KIF25: variants seen among roughly 807,000 people sequenced by gnomAD.
KIF25 encodes kinesin family member 25.
In KIF25, 19 loss-of-function variants were observed where a neutral mutation model predicts 32.9. That is an observed-to-expected ratio of 0.58 (90% CI 0.40 to 0.85). The LOEUF is 0.85. KIF25 is among the 40% of genes least tolerant of loss of function. The pLI is 0.00. For missense variants in KIF25, 485 were observed against 507.0 expected, an observed-to-expected ratio of 0.96 and a Z score of 0.42; for synonymous variants, 225 against 213.7, an observed-to-expected ratio of 1.05 and a Z score of -0.46.
chr6:168,042,187 G>T, intron 11 of KIF25, 36 bp downstream of exon 11: 1 of 1,535,176 alleles, frequency 6.5e-7, no homozygotes, highest in South Asian at 1.2e-5. Context: ...GGGGGTGGGT[G>T]CTGCAGAAGC....
chr6:168,001,891 C>T lies in KIF25; in HGVS notation c.-369-652C>T, dbSNP rs113565789. ...GAGAAAGACACCTGAGGCGTGGCCT[C>T]GGGCAGGTGAGAAGACACCTGAGGC... On this transcript the variant is annotated intron_variant, in intron 2 of 12. Transcript: ENST00000643607. Among the ~76,000 whole-genome samples the T allele has an allele frequency of 3.8e-4, 27 of 70,148 alleles. 1 individual carries two copies. Among genetic ancestry groups the T allele is most frequent in the Non-Finnish European group, 5.3e-4 (19 of 35,738 alleles). 46.0% of individuals were successfully genotyped at this position (70,148 alleles called of 152,430 possible).
chr6:168,030,662 T>G, intron 6 of KIF25, 111 bp from the exon 7 acceptor site: 1 of 698,284 alleles, frequency 1.4e-6, no homozygotes, highest in Non-Finnish European at 2.5e-6. Flanking sequence ...CCTGATGGCG[T>G]TGGGGGGATG....
intron 4 of KIF25, among the ~76,000 whole-genome samples, chr6:168,015,392 G>A (rs549953305): frequency 6.8e-4 from 103 of 152,264 alleles, no homozygotes; most frequent in Middle Eastern, 6.8e-3. Flanking sequence ...GTTATCCTAG[G>A]AAATTGGATA....
chr6:168,020,099 C>G (rs1315236354), intron 5 of KIF25, among the ~76,000 whole-genome samples: 2 of 151,498 alleles, frequency 1.3e-5, no homozygotes, highest in African/African-American at 2.4e-5. Flanking sequence ...CCACTGCACT[C>G]CAGCCTGGTG....
chr6:168,033,068 G>A (rs990319303), intron 7 of KIF25, among the ~76,000 whole-genome samples: 32 of 152,160 alleles, frequency 2.1e-4, no homozygotes, highest in Non-Finnish European at 7.3e-5. Context: ...TCTGAAATAA[G>A]CTGCAGTTAG....
chr6:168,020,517 T>C (rs1034190866), intron 5 of KIF25, among the ~76,000 whole-genome samples: 1 of 150,298 alleles, frequency 6.7e-6, no homozygotes, highest in Non-Finnish European at 1.5e-5. Context: ...TAAAGAAAAA[T>C]AACAATGGAT....
intron 12 of KIF25, among the ~76,000 whole-genome samples, chr6:168,044,384 C>T (rs9355051): frequency 5.4e-4 from 35 of 64,282 alleles, no homozygotes; most frequent in African/African-American, 1.8e-3. Context: ...AGGTGAGGGA[C>T]GCTAGTGACC....
intron 12 of KIF25, among the ~76,000 whole-genome samples, chr6:168,043,698 C>T (rs1799166729): frequency 6.6e-6 from 1 of 152,230 alleles, no homozygotes; most frequent in Admixed American, 6.5e-5. Flanking sequence ...GCACAGCCCA[C>T]CCGTGATCTC....
At chr6:168,021,011 A>G (rs753672810) in intron 5 of KIF25, among the ~76,000 whole-genome samples, 8 of 152,240 alleles carry the variant, frequency 5.3e-5, no homozygotes, top group Non-Finnish European at 1.2e-4. Flanking sequence ...AGGTGAAGGA[A>G]CTATAATAGC....
rs1362212720 is a variant in KIF25, at chr6:167,997,987, T to C, written c.-1482T>C. Among the ~76,000 whole-genome samples, 1 of 152,152 alleles carries C rather than the reference T, an allele frequency of 6.6e-6. No homozygotes were observed. The highest frequency in any genetic ancestry group is 1.5e-5 in the Non-Finnish European group (1 of 68,024). On this transcript the variant is annotated 5_prime_UTR_variant, in exon 1 of 13. Transcript: ENST00000643607. ...CTTATGTAGTTCAGTGCTCCAAACA[T>C]TGATATAAGAGAACATTTATTGAGT...
At chr6:168,009,177 G>A (rs1285837398) in intron 4 of KIF25, among the ~76,000 whole-genome samples, 2 of 152,014 alleles carry the variant, frequency 1.3e-5, no homozygotes, top group Non-Finnish European at 2.9e-5. Context: ...AAAGCTGAAA[G>A]ATGTTAGGAT....
chr6:168,029,688 G>A lies in KIF25; in HGVS notation c.92+11G>A. ...TGACAAGGACCTCAGGTCAGCTTCA[G>A]CGTGAGAAGCAGGCCAGGCCTGGGT... On this transcript the variant is annotated intron_variant, in intron 6 of 12. Transcript: ENST00000643607. The A allele has an allele frequency of 6.2e-7, 1 of 1,601,538 alleles. No homozygotes were observed. Among genetic ancestry groups the A allele is most frequent in the East Asian group, 2.2e-5 (1 of 44,732 alleles).
chr6:168,008,643 A>C (rs1025303588), intron 4 of KIF25, among the ~76,000 whole-genome samples: 1 of 152,132 alleles, frequency 6.6e-6, no homozygotes, highest in Non-Finnish European at 1.5e-5. Flanking sequence ...ATTGCATTGA[A>C]TCTCTAGATT....
intron 4 of KIF25, among the ~76,000 whole-genome samples, chr6:168,010,398 A>G (rs1317256058): frequency 1.3e-5 from 2 of 152,070 alleles, no homozygotes; most frequent in African/African-American, 4.8e-5. Context: ...GTCATTCAGG[A>G]GCATGTTGCT....
At chr6:168,041,357 C>G (rs1562392626) in intron 10 of KIF25, among the ~76,000 whole-genome samples, 3 of 152,224 alleles carry the variant, frequency 2.0e-5, no homozygotes, top group Admixed American at 6.5e-5. Context: ...TGGAAAGGCA[C>G]AGGCGTGTGA....
In KIF25 at chr6:168,042,604, C is replaced by T. The variant is rs768963189; in HGVS notation, c.873C>T (p.Cys291=). ...GGTTGGCCCTGAGGGAGATGGCGTG[C>T]ATCAGCCGCAGCCTTGCGGCCCTGG... ...VTGLALREMA[C]ISRSLAALAG... is the part of the protein sequence containing the mutation. The change falls in exon 12 of 13, where the codon TGC becomes TGT. Residue 291 remains cysteine, a synonymous_variant. Transcript: ENST00000643607. 6.2e-7 allele frequency: 1 copy of T among 1,613,980 alleles called. No homozygotes were observed. The highest frequency in any genetic ancestry group is 8.5e-7 in the Non-Finnish European group (1 of 1,179,998).
At chr6:168,006,350 T>A (rs935330175) in intron 4 of KIF25, among the ~76,000 whole-genome samples, 2 of 152,156 alleles carry the variant, frequency 1.3e-5, no homozygotes, top group African/African-American at 4.8e-5. Context: ...CAAATTGTGC[T>A]TTAAAAGTGT....
At chr6:168,007,140 G>A (rs1798590289) in intron 4 of KIF25, among the ~76,000 whole-genome samples, 1 of 152,178 alleles carries the variant, frequency 6.6e-6, no homozygotes, top group African/African-American at 2.4e-5. Flanking sequence ...ACTGAGCATG[G>A]TGGCTCACAC....
chr6:168,004,552 A>G (rs1321846141), intron 4 of KIF25, among the ~76,000 whole-genome samples: 1 of 152,212 alleles, frequency 6.6e-6, no homozygotes, highest in East Asian at 1.9e-4. Flanking sequence ...TTGAGGGAAC[A>G]GAAGATTCTA....
Sources: gnomAD v4.1 joint callset for allele counts (sites outside exome capture counted in the v4.1 genomes callset) on GRCh38, gnomAD v4.1.1 for gene constraint, MANE v1.5 for transcripts, NCBI Gene and HGNC (gene_info 2026-07-23, HGNC 2026-07-21) for gene names.